The following VAV2 variants were observed in gnomAD, a reference collection of about 807,000 sequenced individuals.
VAV2 encodes guanine nucleotide exchange factor VAV2.
In VAV2, 67 loss-of-function variants were observed where a neutral mutation model predicts 132.5. The ratio of observed to expected loss-of-function variants is 0.51; its 90% confidence interval spans 0.42 to 0.62. The LOEUF is 0.62. Among genes scored for constraint, VAV2 ranks in the 20% least tolerant of loss-of-function variants. The pLI, the probability that VAV2 is intolerant of heterozygous loss-of-function variation, is 0.00. For synonymous variants in VAV2, 492 were observed against 443.5 expected (o/e 1.11, Z -1.37); for missense variants, 938 against 1,153.6 (o/e 0.81, Z 2.71).
In VAV2 at chr9:133,824,041, C is replaced by A. The variant is rs1162777386; in HGVS notation, c.449+10231G>T. 6.6e-6 allele frequency among the ~76,000 whole-genome samples: 1 copy of A among 152,142 alleles called. No homozygotes were observed. Among genetic ancestry groups the A allele is most frequent in the Non-Finnish European group, 1.5e-5 (1 of 68,014 alleles). On this transcript the variant is annotated intron_variant, in intron 4 of 29. Transcript: ENST00000371850. The surrounding 1 kb of genome is among the most constrained non-coding windows in gnomAD (Gnocchi z 5.2). ...AGCCCCCAGCCACGTGGCAGCAGGG[C>A]CTCTGGAGACAGCTGGGGCCCACTG...
intron 2 of VAV2, among the ~76,000 whole-genome samples, chr9:133,887,022 G>A (rs1838739866): frequency 6.6e-6 from 1 of 151,998 alleles, no homozygotes; most frequent in Admixed American, 6.6e-5. Flanking sequence ...CCCACCCCGG[G>A]CCCTCCTGCT....
chr9:133,960,701 C>T lies in VAV2; in HGVS notation c.205-21482G>A, dbSNP rs1841937728. On this transcript the variant is annotated intron_variant, in intron 1 of 29. Coordinates refer to ENST00000371850, the MANE Select transcript of VAV2 (RefSeq NM_001134398.2). ...GCCCAGTATCCAGGCCAGGCTCTTT[C>T]CTCCCCCAGCCCCGGCATGTGGCGC... is the stretch of plus-strand genomic sequence containing the variant. Among the ~76,000 whole-genome samples the T allele has an allele frequency of 2.0e-5, 3 of 152,244 alleles. No individual in the cohort carries two copies. The South Asian group carries it at 6.2e-4, about 31-fold the overall frequency.
intron 2 of VAV2, among the ~76,000 whole-genome samples, chr9:133,887,395 G>A (rs1002810358): frequency 6.6e-6 from 1 of 152,126 alleles, no homozygotes; most frequent in Admixed American, 6.5e-5. Context: ...TCAGAGGTGT[G>A]GACATCTGGC....
At chr9:133,851,892 GAT>G (rs1564405577) in intron 3 of VAV2, among the ~76,000 whole-genome samples, 11 of 147,200 alleles carry the variant, frequency 7.5e-5, no homozygotes, top group African/African-American at 2.9e-4. Flanking sequence ...TGGATGCATG[GAT>G]GGATGGATGG....
At chr9:133,950,758 C>T (rs1211986501) in intron 1 of VAV2, among the ~76,000 whole-genome samples, 3 of 152,192 alleles carry the variant, frequency 2.0e-5, no homozygotes, top group Admixed American at 6.5e-5. Context: ...AGCCCCTCCT[C>T]TCTGCTGCAG....
chr9:133,976,808 A>G (rs1842527600), intron 1 of VAV2, among the ~76,000 whole-genome samples: 2 of 152,336 alleles, frequency 1.3e-5, no homozygotes, highest in African/African-American at 4.8e-5. Context: ...ATTCTACTGC[A>G]TGGACGGACT....
chr9:133,907,227 G>A (rs1486424165), intron 2 of VAV2, among the ~76,000 whole-genome samples: 2 of 152,124 alleles, frequency 1.3e-5, no homozygotes, highest in African/African-American at 4.8e-5. Context: ...ATTCATCCTC[G>A]CTCCCTACAG....
chr9:133,876,112 C>G lies in VAV2; in HGVS notation c.322-14680G>C, dbSNP rs568723915. 9.6e-4 allele frequency among the ~76,000 whole-genome samples: 147 copies of G among 152,364 alleles called. 2 individuals carry two copies. The highest frequency in any genetic ancestry group is 3.4e-3 in the African/African-American group (143 of 41,596). On this transcript the variant is annotated intron_variant, in intron 2 of 29. Transcript: ENST00000371850. ...CCTTCGGATCAGGACTGGAGCTGCA[C>G]TACCAGCCTTCCTGACCTCCAGCTT...
intron 3 of VAV2, among the ~76,000 whole-genome samples, chr9:133,845,820 C>T (rs913326849): frequency 9.9e-5 from 15 of 152,194 alleles, no homozygotes; most frequent in African/African-American, 3.1e-4. Flanking sequence ...ACAGGGATGC[C>T]AGTCCCAGCA....
chr9:133,889,284 G>A (rs1838836308), intron 2 of VAV2, among the ~76,000 whole-genome samples: 1 of 152,156 alleles, frequency 6.6e-6, no homozygotes, highest in African/African-American at 2.4e-5. Flanking sequence ...CGAAGGGTGG[G>A]GGCTCACGGG....
rs1372150285 is a variant in VAV2 at position 133,883,942 on chromosome 9, T to C, written c.322-22510A>G. Among the ~76,000 whole-genome samples, 1 of 152,070 alleles carries C rather than the reference T, an allele frequency of 6.6e-6. No homozygotes were observed. The highest frequency in any genetic ancestry group is 1.9e-4 in the East Asian group (1 of 5,176). On this transcript the variant is annotated intron_variant, in intron 2 of 29. Transcript: ENST00000371850. The surrounding 1 kb of genome is among the most constrained non-coding windows in gnomAD (Gnocchi z 4.2). ...CAAGGTCAGGAGATCAAGACCATCT[T>C]GATCAATATGGTGAAACCCCGTCTC...
intron 2 of VAV2, among the ~76,000 whole-genome samples, chr9:133,914,372 G>A (rs1440225900): frequency 6.6e-6 from 1 of 151,892 alleles, no homozygotes; most frequent in Non-Finnish European, 1.5e-5. Flanking sequence ...CACCCCAAAT[G>A]TTCATCAGCA....
At chr9:133,950,235 G>A (rs16803) in intron 1 of VAV2, among the ~76,000 whole-genome samples, 36,335 of 152,128 alleles carry the variant, frequency 0.24, 4,436 homozygotes, top group East Asian at 0.39. Context: ...AGCAGCACTC[G>A]AGAGGAAACC....
At chr9:133,864,159 G>T (rs1290450322) in intron 2 of VAV2, among the ~76,000 whole-genome samples, 2 of 152,184 alleles carry the variant, frequency 1.3e-5, no homozygotes, top group Non-Finnish European at 2.9e-5. Context: ...GTTAACAAAC[G>T]AATGAAGACG....
chr9:133,763,795 T>C lies in VAV2; in HGVS notation c.*267A>G. 2.0e-6 allele frequency: 1 copy of C among 492,746 alleles called. No homozygotes were observed. The highest frequency in any genetic ancestry group is 3.7e-6 in the Non-Finnish European group (1 of 270,064). 30.5% of individuals were successfully genotyped at this position (492,746 alleles called of 1,614,324 possible). On this transcript the variant is annotated 3_prime_UTR_variant, in exon 30 of 30. Coordinates refer to ENST00000371850, the MANE Select transcript of VAV2 (RefSeq NM_001134398.2). This position sits in a 1 kb window ranked among gnomAD's most constrained non-coding sequence, Gnocchi z 6.8. ...CTACCCAGAGCCTGGCTCGCAGCGC[T>C]GTCGGTGCCCCCTCCTCTGCGCTCT... is the stretch of plus-strand genomic sequence containing the variant.
rs142015502 is a variant in VAV2 at position 133,948,993 on chromosome 9, G to A, written c.205-9774C>T. On this transcript the variant is annotated intron_variant, in intron 1 of 29. Transcript: ENST00000371850. Reference sequence around the variant, plus strand: ...ACAACCTGGGAGGAGGGAGGGTCCCGGCTGGCTTGCGTGAAGGCAGAGCTA... The same window carrying A: ...ACAACCTGGGAGGAGGGAGGGTCCCAGCTGGCTTGCGTGAAGGCAGAGCTA... Among the ~76,000 whole-genome samples, 325 of 152,286 alleles carry A rather than the reference G, an allele frequency of 2.1e-3. 1 individual carries two copies. The highest frequency in any genetic ancestry group is 7.3e-3 in the African/African-American group (303 of 41,560).
intron 1 of VAV2, among the ~76,000 whole-genome samples, chr9:133,941,394 C>T (rs1438366744): frequency 3.5e-5 from 5 of 143,984 alleles, no homozygotes; most frequent in Admixed American, 1.4e-4. Context: ...GGTGACAGAG[C>T]GAGACTCCGT....
At chr9:133,871,301 TGGGTGGATGGATGAATTGG>T (rs1367921637) in intron 2 of VAV2, among the ~76,000 whole-genome samples, 12 of 140,310 alleles carry the variant, frequency 8.6e-5, no homozygotes, top group Non-Finnish European at 1.5e-4. Context: ...GATAAGTGGG[TGGGTGGATGGATGAATTGG>T]GGGTGGATGG....
intron 4 of VAV2, among the ~76,000 whole-genome samples, chr9:133,825,670 G>A (rs1308494118): frequency 6.6e-6 from 1 of 152,132 alleles, no homozygotes; most frequent in Non-Finnish European, 1.5e-5. Context: ...AGGTGGGCAG[G>A]GTGAGGACAA....
Sources: gnomAD v4.1 joint callset for allele counts (sites outside exome capture counted in the v4.1 genomes callset) on GRCh38, gnomAD v4.1.1 for gene constraint, Gnocchi (gnomAD v3.1) non-coding constraint, MANE v1.5 for transcripts, NCBI Gene and HGNC (gene_info 2026-07-23, HGNC 2026-07-21) for gene names.